CCDC198: variants seen among roughly 807,000 people sequenced by gnomAD.
CCDC198 encodes the protein coiled-coil domain containing 198.
In CCDC198, 18 loss-of-function variants were observed where a neutral mutation model predicts 35.6. The observed-to-expected ratio is 0.51, with a 90% CI of 0.35 to 0.75. The LOEUF (loss-of-function observed/expected upper bound fraction) is 0.75, where lower values mean the gene tolerates loss of function less well. CCDC198 is among the 30% of genes least tolerant of loss of function. The pLI, the probability that CCDC198 is intolerant of heterozygous loss-of-function variation, is 0.01. For synonymous variants in CCDC198, 119 were observed against 113.4 expected, an observed-to-expected ratio of 1.05 and a Z score of -0.31; for missense variants, 365 against 343.7, an observed-to-expected ratio of 1.06 and a Z score of -0.49.
chr14:57,490,350 C>T (rs544337110), intron 2 of CCDC198, among the ~76,000 whole-genome samples: 17 of 152,244 alleles, frequency 1.1e-4, no homozygotes, highest in Non-Finnish European at 2.2e-4. Context: ...GGGGTGAATG[C>T]GTTTAAAGCT....
chr14:57,475,332 T>C (rs2066947899), intron 5 of CCDC198: 9 of 957,290 alleles, frequency 9.4e-6, no homozygotes, highest in Non-Finnish European at 1.1e-5. Flanking sequence ...AACAAGATTC[T>C]TTATAGAAAG....
intron 1 of CCDC198, among the ~76,000 whole-genome samples, chr14:57,492,813 G>A (rs1009404931): frequency 6.6e-6 from 1 of 152,074 alleles, no homozygotes. Flanking sequence ...TTCTAAGTGA[G>A]AATGTCTGTT....
chr14:57,488,893 G>A (rs1214760871), intron 2 of CCDC198, among the ~76,000 whole-genome samples: 2 of 152,096 alleles, frequency 1.3e-5, no homozygotes, highest in African/African-American at 2.4e-5. Context: ...GAGAGGTTGC[G>A]GAGAAAAAGG....
At chr14:57,487,378 T>C (rs923579042) in intron 2 of CCDC198, among the ~76,000 whole-genome samples, 12 of 152,078 alleles carry the variant, frequency 7.9e-5, no homozygotes, top group African/African-American at 2.9e-4. Context: ...TGTCAATTGA[T>C]TGGTCAGGGT....
In CCDC198 at chr14:57,471,687, TC is replaced by T; in HGVS notation, c.656-98del. The T allele has an allele frequency of 8.9e-6, 5 of 561,020 alleles. No homozygotes were observed. In the South Asian group the frequency reaches 1.1e-4, roughly 13 times the overall value. 34.8% of individuals were successfully genotyped at this position (561,020 alleles called of 1,614,324 possible). A position where few individuals can be genotyped will look rare whatever the true frequency, so the allele number is the denominator to read the frequency against. The stretch of plus-strand genomic sequence containing the variant: ...AATAAATAATCTGCTTGGTGGTTTT[TC>T]AAACTATATATACATAGTTTGAAAA... On this transcript the variant is annotated intron_variant, in intron 5 of 5. Transcript: ENST00000216445.
intron 2 of CCDC198, among the ~76,000 whole-genome samples, chr14:57,486,462 T>G (rs2067361947): frequency 6.6e-6 from 1 of 151,148 alleles, no homozygotes; most frequent in Non-Finnish European, 1.5e-5. Flanking sequence ...ATCATCAGAC[T>G]TTTCCGGGAT....
intron 2 of CCDC198, among the ~76,000 whole-genome samples, chr14:57,485,006 A>G (rs2067309486): frequency 6.6e-6 from 1 of 152,132 alleles, no homozygotes; most frequent in South Asian, 2.1e-4. Context: ...AGTAAAGGGG[A>G]GTAGAGTCCA....
intron 4 of CCDC198, 49 bp downstream of exon 4, chr14:57,481,510 T>A (rs1594797860): frequency 1.6e-6 from 2 of 1,255,834 alleles, no homozygotes; most frequent in Non-Finnish European, 2.3e-6. Context: ...GGCAGGGCAG[T>A]GATTATGTGA....
intron 3 of CCDC198, among the ~76,000 whole-genome samples, 185 bp from the exon 4 acceptor site, chr14:57,481,845 G>A (rs1432905771): frequency 6.6e-6 from 1 of 152,214 alleles, no homozygotes; most frequent in Admixed American, 6.5e-5. Flanking sequence ...ATCAATGAAT[G>A]AAGTGGCTCT....
chr14:57,479,290 G>A (rs899217915), intron 5 of CCDC198, among the ~76,000 whole-genome samples: 3 of 152,158 alleles, frequency 2.0e-5, no homozygotes, highest in Non-Finnish European at 4.4e-5. Flanking sequence ...GCCTTGTTAT[G>A]TTGGCCAGGC....
intron 5 of CCDC198, chr14:57,478,580 C>T (rs1001188519): frequency 2.0e-5 from 20 of 988,428 alleles, no homozygotes; most frequent in Admixed American, 6.0e-5. Context: ...CTTCCAGGGA[C>T]TTTGCCAATG....
intron 2 of CCDC198, among the ~76,000 whole-genome samples, chr14:57,487,119 C>T (rs943927963): frequency 2.6e-5 from 4 of 152,090 alleles, no homozygotes; most frequent in African/African-American, 9.7e-5. Context: ...TTTTCCCTGC[C>T]CAGGAAGTGA....
At chr14:57,475,707 TA>T (rs35649947) in intron 5 of CCDC198, 55,381 of 347,106 alleles carry the variant, frequency 0.16, 4 homozygotes, top group South Asian at 0.26. Context: ...AACTCTGTCT[TA>T]AAAAAAAAAA....
At chr14:57,471,987 C>T (rs2066836123) in intron 5 of CCDC198, among the ~76,000 whole-genome samples, 1 of 151,880 alleles carries the variant, frequency 6.6e-6, no homozygotes, top group Non-Finnish European at 1.5e-5. Context: ...CACTACAAAT[C>T]TCTTAAGACC....
chr14:57,478,090 G>A (rs990220513), intron 5 of CCDC198, among the ~76,000 whole-genome samples: 6 of 152,232 alleles, frequency 3.9e-5, no homozygotes, highest in African/African-American at 1.2e-4. Context: ...GTTCCTGCCT[G>A]AGTTACTCCT....
intron 4 of CCDC198, among the ~76,000 whole-genome samples, 182 bp from the exon 5 acceptor site, chr14:57,480,936 G>A (rs928902071): frequency 6.6e-6 from 1 of 152,182 alleles, no homozygotes; most frequent in African/African-American, 2.4e-5. Context: ...TGACAGGCTT[G>A]TTAAGAGAAA....
intron 5 of CCDC198, chr14:57,475,641 A>C: frequency 2.5e-6 from 1 of 407,380 alleles, no homozygotes; most frequent in Non-Finnish European, 4.8e-6. Flanking sequence ...TGGGAGGCGA[A>C]GTTTGCGGTG....
rs1339813740 is a variant in CCDC198, at chr14:57,469,819, T to A, written c.*1536A>T. The A allele has an allele frequency of 6.6e-6, 1 of 152,228 alleles. No individual in the cohort carries two copies. Among genetic ancestry groups the A allele is most frequent in the Non-Finnish European group, 1.5e-5 (1 of 68,052 alleles). The allele number at this position is 152,228 out of a possible 1,614,324, so 9.4% of individuals were successfully genotyped here. A position where few individuals can be genotyped will look rare whatever the true frequency, so the allele number is the denominator to read the frequency against. ...GGCTTGTTATCTTCTTAGTTTCTGA[T>A]GTGAATGCATTGAATGTCAAATTGA... On this transcript the variant is annotated 3_prime_UTR_variant, in exon 6 of 6. Transcript: ENST00000216445.
chr14:57,471,966 C>G (rs1017822857), intron 5 of CCDC198, among the ~76,000 whole-genome samples: 3 of 151,788 alleles, frequency 2.0e-5, no homozygotes, highest in African/African-American at 4.8e-5. Context: ...TCACCTCCCC[C>G]CTAAATATAT....
Sources: allele counts gnomAD v4.1 joint callset (sites outside exome capture counted in the v4.1 genomes callset), GRCh38; gene constraint gnomAD v4.1.1; transcripts MANE v1.5; gene names NCBI Gene and HGNC (gene_info 2026-07-23, HGNC 2026-07-21).